Variants in SLC9A9 observed in about 807,000 individuals in gnomAD.
SLC9A9 encodes the protein solute carrier family 9 member A9.
Under a neutral mutation model 77.8 loss-of-function variants are expected in SLC9A9, and 62 were observed. That is an observed-to-expected ratio of 0.80 (90% confidence interval 0.65 to 0.98). The LOEUF (loss-of-function observed/expected upper bound fraction) is 0.98, where lower values mean the gene tolerates loss of function less well. Among genes scored for constraint, SLC9A9 ranks in the 50% least tolerant of loss-of-function variants. The pLI is 0.00. For missense variants in SLC9A9, 775 were observed against 774.9 expected (o/e 1.00, Z 0.00); for synonymous variants, 320 against 283.5 (o/e 1.13, Z -1.29).
At chr3:143,327,484 T>G (rs1184377179) in intron 14 of SLC9A9, among the ~76,000 whole-genome samples, 1 of 152,228 alleles carries the variant, frequency 6.6e-6, no homozygotes, top group Non-Finnish European at 1.5e-5. Flanking sequence ...CACTGTTACT[T>G]TTCCAGCTCC....
intron 2 of SLC9A9, among the ~76,000 whole-genome samples, chr3:143,815,819 TCG>T (rs2008998766): frequency 3.3e-5 from 5 of 152,038 alleles, no homozygotes; most frequent in Non-Finnish European, 5.9e-5. Flanking sequence ...TGAGCCGGGA[TCG>T]TGCCACTGCA....
intron 4 of SLC9A9, among the ~76,000 whole-genome samples, chr3:143,771,258 G>C (rs1328039722): frequency 1.3e-5 from 2 of 152,176 alleles, no homozygotes; most frequent in African/African-American, 4.8e-5. Context: ...GCAGGGAACA[G>C]GGAGGAGAGT....
intron 5 of SLC9A9, among the ~76,000 whole-genome samples, chr3:143,683,395 A>G (rs1313614181): frequency 6.6e-6 from 1 of 152,186 alleles, no homozygotes; most frequent in Admixed American, 6.5e-5. Flanking sequence ...AATGTGGTAC[A>G]TCTTGTAGAA....
intron 12 of SLC9A9, among the ~76,000 whole-genome samples, chr3:143,434,053 C>A (rs971463881): frequency 2.0e-5 from 3 of 151,980 alleles, no homozygotes; most frequent in African/African-American, 7.3e-5. Flanking sequence ...AAAATGGACA[C>A]AATAAGATGA....
chr3:143,806,566 T>C (rs1019619563), intron 2 of SLC9A9, among the ~76,000 whole-genome samples: 1 of 152,184 alleles, frequency 6.6e-6, no homozygotes, highest in Non-Finnish European at 1.5e-5. Flanking sequence ...GAATGAATTA[T>C]ACCCACATCA....
intron 9 of SLC9A9, among the ~76,000 whole-genome samples, chr3:143,531,026 T>G (rs1481870866): frequency 6.6e-6 from 1 of 152,236 alleles, no homozygotes; most frequent in African/African-American, 2.4e-5. Flanking sequence ...AAACCTAACA[T>G]GCATATAGTG....
Position 143,294,003 on chromosome 3 carries a change from A to G in SLC9A9, c.1605-25023T>C, listed in dbSNP as rs867183754. On this transcript the variant is annotated intron_variant, in intron 14 of 15. Coordinates refer to ENST00000316549, the MANE Select transcript of SLC9A9 (RefSeq NM_173653.4). ...CAATGAGATAATAAAAAATAAATTCATGTAAAATTTTGTAGAATATACTGA... is the reference window on the plus strand; with the variant it reads ...CAATGAGATAATAAAAAATAAATTCGTGTAAAATTTTGTAGAATATACTGA... Among the ~76,000 whole-genome samples the G allele has an allele frequency of 4.6e-5, 7 of 152,340 alleles. No homozygotes were observed. In the Middle Eastern group the frequency reaches 0.014, roughly 296 times the overall value.
chr3:143,842,436 G>A (rs146034884), intron 1 of SLC9A9, among the ~76,000 whole-genome samples: 6 of 152,262 alleles, frequency 3.9e-5, no homozygotes, highest in African/African-American at 1.4e-4. Flanking sequence ...CATACAGAGT[G>A]CAGTATGACT....
intron 7 of SLC9A9, among the ~76,000 whole-genome samples, chr3:143,574,825 A>T (rs2037328548): frequency 1.3e-5 from 2 of 152,202 alleles, no homozygotes; most frequent in Non-Finnish European, 2.9e-5. Context: ...TAAATTGCAA[A>T]TAGAACAAAG....
In SLC9A9 at chr3:143,623,908, C is replaced by T. The variant is rs370050966; in HGVS notation, c.755+28347G>A. On this transcript the variant is annotated intron_variant, in intron 6 of 15. Transcript: ENST00000316549. ...AGAAAAGAGAGAAGAATCAAATAGA[C>T]GCAATAAAAAATGATAAAGGGGATA... 1.4e-4 allele frequency among the ~76,000 whole-genome samples: 21 copies of T among 152,064 alleles called. No individual in the cohort carries two copies. In the East Asian group the frequency reaches 2.3e-3, roughly 17 times the overall value.
intron 5 of SLC9A9, among the ~76,000 whole-genome samples, chr3:143,686,853 CT>C (rs1282245202): frequency 1.3e-5 from 2 of 152,004 alleles, no homozygotes; most frequent in Non-Finnish European, 2.9e-5. Context: ...TGGGCTTTTG[CT>C]CTCTTAAGTT....
chr3:143,668,882 A>T lies in SLC9A9; in HGVS notation c.650-16522T>A, dbSNP rs577007986. ...TGCAAAATAATAAATTGAACAACAC[A>T]ATTCCTTGTCTGTAGCACCCAGACA... On this transcript the variant is annotated intron_variant, in intron 5 of 15. Transcript: ENST00000316549. Among the ~76,000 whole-genome samples the T allele has an allele frequency of 6.6e-5, 10 of 152,288 alleles. No individual in the cohort carries two copies. In the South Asian group the frequency reaches 2.1e-3, roughly 32 times the overall value.
At chr3:143,367,800 G>T (rs2032951633) in intron 13 of SLC9A9, among the ~76,000 whole-genome samples, 1 of 152,158 alleles carries the variant, frequency 6.6e-6, no homozygotes, top group African/African-American at 2.4e-5. Context: ...GAACTTGATG[G>T]TATTTTTCTT....
chr3:143,806,100 T>G (rs2008706147), intron 2 of SLC9A9, among the ~76,000 whole-genome samples: 2 of 121,888 alleles, frequency 1.6e-5, no homozygotes, highest in East Asian at 2.8e-4. Context: ...CTACCCCCCG[T>G]CCCCCACCCA....
rs1033863656 is a variant in SLC9A9 at position 143,701,277 on chromosome 3, G to A, written c.534-7970C>T. ...AACATCCACAAGCATCAAGACCACC[G>A]TGGAAAACATAACCTCACCAAGTGA... On this transcript the variant is annotated intron_variant, in intron 4 of 15. Coordinates refer to ENST00000316549, the MANE Select transcript of SLC9A9 (RefSeq NM_173653.4). Among the ~76,000 whole-genome samples, 48 of 152,234 alleles carry A rather than the reference G, an allele frequency of 3.2e-4. 1 individual carries two copies. The highest frequency in any genetic ancestry group is 7.2e-4 in the Admixed American group (11 of 15,286).
intron 4 of SLC9A9, among the ~76,000 whole-genome samples, chr3:143,752,203 A>G (rs1302015909): frequency 6.6e-6 from 1 of 152,244 alleles, no homozygotes; most frequent in Non-Finnish European, 1.5e-5. Context: ...ATGAGATTCC[A>G]GAGATCTCTC....
chr3:143,315,577 C>A (rs971089408), intron 14 of SLC9A9, among the ~76,000 whole-genome samples: 1 of 152,150 alleles, frequency 6.6e-6, no homozygotes, highest in Non-Finnish European at 1.5e-5. Flanking sequence ...CTGGAAGATG[C>A]CATTTAGTCA....
intron 13 of SLC9A9, among the ~76,000 whole-genome samples, chr3:143,368,665 A>G (rs2032971286): frequency 6.6e-6 from 1 of 152,190 alleles, no homozygotes; most frequent in Non-Finnish European, 1.5e-5. Flanking sequence ...GGCTCCAAGG[A>G]ACTTTTTAAG....
At chr3:143,423,325 T>C (rs990516774) in intron 12 of SLC9A9, among the ~76,000 whole-genome samples, 2 of 150,396 alleles carry the variant, frequency 1.3e-5, no homozygotes, top group African/African-American at 4.9e-5. Context: ...GGGTCATTCA[T>C]GAAGCAGCAG....
Sources: allele counts gnomAD v4.1 joint callset (sites outside exome capture counted in the v4.1 genomes callset), GRCh38; gene constraint gnomAD v4.1.1; transcripts MANE v1.5; gene names NCBI Gene and HGNC (gene_info 2026-07-23, HGNC 2026-07-21).